The following OGDH variants were observed in gnomAD, a reference collection of about 807,000 sequenced individuals.
OGDH encodes the protein 2-oxoglutarate dehydrogenase complex component E1.
Under a neutral mutation model 116.6 loss-of-function variants are expected in OGDH, and 38 were observed. The observed-to-expected ratio is 0.33, with a 90% CI of 0.25 to 0.43. The LOEUF (loss-of-function observed/expected upper bound fraction) is 0.43. Among genes scored for constraint, OGDH ranks in the 20% least tolerant of loss-of-function variants. The pLI is 1.00. For missense variants in OGDH, 825 were observed against 1,357.2 expected, an observed-to-expected ratio of 0.61 and a Z score of 6.16; for synonymous variants, 488 against 533.3, an observed-to-expected ratio of 0.92 and a Z score of 1.17.
At chr7:44,654,528 G>A (rs1786599031) in intron 4 of OGDH, among the ~76,000 whole-genome samples, 1 of 152,228 alleles carries the variant, frequency 6.6e-6, no homozygotes, top group African/African-American at 2.4e-5. Context: ...TGTAATTTCA[G>A]AGTGATATAG....
intron 5 of OGDH, among the ~76,000 whole-genome samples, chr7:44,668,038 A>C (rs956758819): frequency 1.3e-5 from 2 of 152,282 alleles, no homozygotes; most frequent in Admixed American, 6.5e-5. Flanking sequence ...CCCCTAAATC[A>C]GAAGCCCTCT....
chr7:44,650,869 C>A (rs1786409860), intron 4 of OGDH, among the ~76,000 whole-genome samples: 1 of 152,170 alleles, frequency 6.6e-6, no homozygotes, highest in African/African-American at 2.4e-5. Flanking sequence ...TGTACTGTGT[C>A]ACATGACTAT....
chr7:44,646,277 C>T (rs1221380431), intron 3 of OGDH, among the ~76,000 whole-genome samples: 1 of 152,232 alleles, frequency 6.6e-6, no homozygotes, highest in African/African-American at 2.4e-5. Flanking sequence ...ACCCTGCCAC[C>T]TGTTCTTGTG....
chr7:44,701,897 C>T (rs765227597), intron 20 of OGDH, among the ~76,000 whole-genome samples: 8 of 152,056 alleles, frequency 5.3e-5, no homozygotes, highest in South Asian at 2.1e-4. Flanking sequence ...CATGGAGAAA[C>T]GCCATCTCCA....
In OGDH at chr7:44,675,242, G is replaced by A; in HGVS notation, c.1000G>A (p.Asp334Asn). ...KELEQIFCQF[D>N]SKLEAADEGS... ...GCTGGAACAGATCTTCTGTCAATTCGATTCAAAGCTGGAGGCAGCTGATGA... is the reference window on the plus strand; with the variant it reads ...GCTGGAACAGATCTTCTGTCAATTCAATTCAAAGCTGGAGGCAGCTGATGA... The change falls in exon 8 of 23, where the codon GAT (aspartate) becomes AAT (asparagine). Residue 334 changes from aspartate to asparagine, a missense_variant. Asp to Asn is a conservative substitution (Grantham distance 23). Transcript: ENST00000222673. 1.2e-6 allele frequency: 2 copies of A among 1,614,114 alleles called. No homozygotes were observed. The highest frequency in any genetic ancestry group is 1.1e-5 in the South Asian group (1 of 91,068).
chr7:44,671,767 CAAAAAAA>C (rs758716419), intron 5 of OGDH, among the ~76,000 whole-genome samples: 4 of 51,184 alleles, frequency 7.8e-5, no homozygotes, highest in African/African-American at 2.5e-4. Context: ...GACTGCGTCT[CAAAAAAA>C]AAAAAAAAAA....
At chr7:44,645,957 G>C (rs1321009037) in intron 3 of OGDH, among the ~76,000 whole-genome samples, 1 of 152,192 alleles carries the variant, frequency 6.6e-6, no homozygotes, top group African/African-American at 2.4e-5. Context: ...AGAGTTTGGG[G>C]ATGTGGAGGC....
At chr7:44,682,016 G>A (rs554144300) in intron 10 of OGDH, among the ~76,000 whole-genome samples, 168 bp downstream of exon 10, 1 of 152,364 alleles carries the variant, frequency 6.6e-6, no homozygotes, top group East Asian at 1.9e-4. Context: ...GGAAGCCAAG[G>A]CAGGAGGATT....
In OGDH at chr7:44,697,712, G is replaced by A; in HGVS notation, c.2288G>A (p.Cys763Tyr). Residue 763 changes from cysteine (C) to tyrosine (Y), a missense_variant, in exon 17 of 23, where the codon TGC (cysteine) becomes TAC (tyrosine). Physicochemically the swap from Cys to Tyr is radical, Grantham distance 194. Transcript: ENST00000222673. The surrounding 1 kb of genome is among the most constrained non-coding windows in gnomAD (Gnocchi z 6.0). ...CAGTGTATCATCGACCAGTTCATCT[G>A]CCCGGGACAAGCCAAGTGGGTGCGG... ...TAQCIIDQFI[C>Y]PGQAKWVRQN... is the part of the protein sequence containing the mutation. 6.2e-7 allele frequency: 1 copy of A among 1,614,236 alleles called. No homozygotes were observed. Among genetic ancestry groups the A allele is most frequent in the Non-Finnish European group, 8.5e-7 (1 of 1,180,048 alleles).
At chr7:44,643,600 C>T (rs1005784475) in intron 2 of OGDH, among the ~76,000 whole-genome samples, 50 of 152,222 alleles carry the variant, frequency 3.3e-4, no homozygotes, top group African/African-American at 1.2e-3. Context: ...TACATCTGTG[C>T]CCTAGCCAGC....
intron 2 of OGDH, among the ~76,000 whole-genome samples, chr7:44,641,225 C>CTTTTTTTTTTTTTTTTTT (rs1175522868): frequency 3.7e-5 from 3 of 81,644 alleles, no homozygotes; most frequent in Non-Finnish European, 7.2e-5. Context: ...TTTTTTTTTT[C>CTTTTTTTTTTTTTTTTTT]TTTTTTTTTT....
chr7:44,673,711 A>G, intron 5 of OGDH, 76 bp from the exon 6 acceptor site: 1 of 1,446,312 alleles, frequency 6.9e-7, no homozygotes, highest in Non-Finnish European at 9.7e-7. Context: ...CTTCTGGCTG[A>G]ATGGGCAGTC....
intron 4 of OGDH, among the ~76,000 whole-genome samples, chr7:44,661,286 T>G (rs1786927499): frequency 6.6e-6 from 1 of 152,246 alleles, no homozygotes; most frequent in Non-Finnish European, 1.5e-5. Context: ...TACATTTGAT[T>G]AATGTTTACA....
chr7:44,705,070 T>TTTTTTTTTTTTTTTTTG, intron 20 of OGDH, among the ~76,000 whole-genome samples: 1 of 131,746 alleles, frequency 7.6e-6, no homozygotes, highest in African/African-American at 3.3e-5. Flanking sequence ...TTTTTTTTTT[T>TTTTTTTTTTTTTTTTTG]GAGACGGAGT....
intron 9 of OGDH, 196 bp downstream of exon 9, chr7:44,676,345 C>T (rs527917821): frequency 3.5e-5 from 45 of 1,268,262 alleles, no homozygotes; most frequent in Middle Eastern, 2.8e-4. Context: ...CACCTGAGTT[C>T]GGGAGTTGGA....
chr7:44,684,271 G>A (rs1788042950), intron 10 of OGDH, among the ~76,000 whole-genome samples: 3 of 152,274 alleles, frequency 2.0e-5, no homozygotes, highest in East Asian at 3.9e-4. Context: ...AGGAAGTGAT[G>A]AGATACTGGT....
rs571671782 is a variant in OGDH at position 44,674,625 on chromosome 7, A to G, written c.935+68A>G. Reference sequence around the variant, plus strand: ...GTGGGCTGTGTAGGAGGCACCAGGTAAAGGCACTGAGAGAGCAGCTGTTTC... The same window carrying G: ...GTGGGCTGTGTAGGAGGCACCAGGTGAAGGCACTGAGAGAGCAGCTGTTTC... On this transcript the variant is annotated intron_variant, in intron 7 of 22. Transcript: ENST00000222673. The G allele has an allele frequency of 2.9e-4, 461 of 1,565,272 alleles. 1 individual carries two copies. Among genetic ancestry groups the G allele is most frequent in the Middle Eastern group, 1.1e-3 (5 of 4,670 alleles).
chr7:44,627,157 C>T lies in OGDH; in HGVS notation c.222+2592C>T, dbSNP rs189637460. Among the ~76,000 whole-genome samples, 869 of 152,150 alleles carry T rather than the reference C, an allele frequency of 5.7e-3. 9 individuals are homozygous for T. Among genetic ancestry groups the T allele is most frequent in the African/African-American group, 0.018 (751 of 41,498 alleles). ...GATTACAGGCCTGTGCCACCACGCCCGGCTAATTTTTGTATTTTTAGTAGA... is the reference window on the plus strand; with the variant it reads ...GATTACAGGCCTGTGCCACCACGCCTGGCTAATTTTTGTATTTTTAGTAGA... On this transcript the variant is annotated intron_variant, in intron 2 of 22. Coordinates refer to ENST00000222673, the MANE Select transcript of OGDH (RefSeq NM_002541.4).
intron 1 of OGDH, among the ~76,000 whole-genome samples, chr7:44,607,450 G>C (rs1784397743): frequency 2.0e-5 from 3 of 152,152 alleles, no homozygotes. Context: ...AGGACTTCGT[G>C]TTAGGGTTTC....
Sources: allele counts gnomAD v4.1 joint callset (sites outside exome capture counted in the v4.1 genomes callset), GRCh38; gene constraint gnomAD v4.1.1; non-coding constraint Gnocchi (gnomAD v3.1); transcripts MANE v1.5; gene names NCBI Gene and HGNC (gene_info 2026-07-23, HGNC 2026-07-21).